Variants in MIPOL1 observed in about 807,000 individuals in gnomAD.
MIPOL1 encodes mirror-image polydactyly 1.
In MIPOL1, 57 loss-of-function variants were observed where a neutral mutation model predicts 60.9. The ratio of observed to expected loss-of-function variants is 0.94; its 90% confidence interval spans 0.76 to 1.17. MIPOL1 has a LOEUF of 1.17. Among genes scored for constraint, MIPOL1 ranks in the 50% most tolerant of loss-of-function variants. The pLI is 0.00. For missense variants in MIPOL1, 551 were observed against 511.6 expected, an observed-to-expected ratio of 1.08 and a Z score of -0.74; for synonymous variants, 179 against 168.8, an observed-to-expected ratio of 1.06 and a Z score of -0.47.
chr14:37,333,238 A>C (rs2089868480), intron 9 of MIPOL1, among the ~76,000 whole-genome samples: 1 of 152,074 alleles, frequency 6.6e-6, no homozygotes, highest in South Asian at 2.1e-4. Context: ...TATGGTAGTA[A>C]ATTATATTAA....
intron 6 of MIPOL1, among the ~76,000 whole-genome samples, chr14:37,271,536 A>G (rs2083302272): frequency 6.6e-6 from 1 of 152,062 alleles, no homozygotes; most frequent in Non-Finnish European, 1.5e-5. Context: ...ATGACCATAA[A>G]TAAATACACC....
In MIPOL1 at chr14:37,267,152, C is replaced by T. The variant is rs564184591; in HGVS notation, c.234C>T (p.Cys78=). The T allele has an allele frequency of 2.0e-5, 33 of 1,612,732 alleles. No homozygotes were observed. In the South Asian group the frequency reaches 3.3e-4, roughly 16 times the overall value. The change falls in exon 4 of 13, where the codon TGC becomes TGT. Residue 78 remains cysteine, a synonymous_variant. Coordinates refer to ENST00000684589, the MANE Select transcript of MIPOL1 (RefSeq NM_001388067.1). ...SSYPDDESVY[C]TTEKYNVMEH... is the part of the protein sequence containing the mutation. ...ATCCAGATGATGAGTCTGTTTACTG[C>T]ACTACTGAAAAATACAAGTAAGTGC...
chr14:37,214,313 A>G (rs571766079), intron 1 of MIPOL1, among the ~76,000 whole-genome samples: 23 of 152,302 alleles, frequency 1.5e-4, no homozygotes, highest in African/African-American at 4.8e-4. Flanking sequence ...AAACAACAAA[A>G]AGCTAAAAAT....
intron 10 of MIPOL1, among the ~76,000 whole-genome samples, chr14:37,388,417 A>G (rs2093134856): frequency 6.6e-6 from 1 of 151,484 alleles, no homozygotes; most frequent in Non-Finnish European, 1.5e-5. Flanking sequence ...AATGAAACTT[A>G]TCGTTCACAT....
intron 11 of MIPOL1, among the ~76,000 whole-genome samples, chr14:37,470,060 C>CG (rs146350292): frequency 0.021 from 3,223 of 152,182 alleles, 100 homozygotes; most frequent in African/African-American, 0.072. Flanking sequence ...GTATAGGTTT[C>CG]TGCATGAACA....
At chr14:37,522,893 T>A (rs906325388) in intron 12 of MIPOL1, among the ~76,000 whole-genome samples, 5 of 152,158 alleles carry the variant, frequency 3.3e-5, no homozygotes, top group African/African-American at 9.6e-5. Flanking sequence ...TTAATAGATA[T>A]GAATCCTATT....
intron 3 of MIPOL1, among the ~76,000 whole-genome samples, chr14:37,251,040 A>G (rs1369070849): frequency 6.6e-6 from 1 of 152,128 alleles, no homozygotes; most frequent in Non-Finnish European, 1.5e-5. Context: ...TGACATCTAC[A>G]AAATAAACCC....
chr14:37,307,834 T>A (rs1169475665), intron 7 of MIPOL1, among the ~76,000 whole-genome samples: 1 of 152,046 alleles, frequency 6.6e-6, no homozygotes, highest in Non-Finnish European at 1.5e-5. Context: ...TATATAGCAG[T>A]AAACATTAAT....
chr14:37,221,111 G>C (rs904683648), intron 1 of MIPOL1, among the ~76,000 whole-genome samples: 26 of 152,002 alleles, frequency 1.7e-4, no homozygotes, highest in African/African-American at 6.0e-4. Flanking sequence ...GGTTCTGGAA[G>C]CTCAGGTTCT....
intron 11 of MIPOL1, among the ~76,000 whole-genome samples, chr14:37,494,579 A>G (rs1566712626): frequency 1.3e-5 from 2 of 152,206 alleles, no homozygotes; most frequent in Non-Finnish European, 2.9e-5. Context: ...TTTATAGACC[A>G]CAGCAAGTAT....
At chr14:37,484,337 C>CTTTTT (rs71449995) in intron 11 of MIPOL1, among the ~76,000 whole-genome samples, 7 of 116,436 alleles carry the variant, frequency 6.0e-5, no homozygotes, top group African/African-American at 6.5e-5. Context: ...AATGTTAGAT[C>CTTTTT]TTTTTTTTTT....
At chr14:37,445,682 G>C (rs1393596434) in intron 11 of MIPOL1, among the ~76,000 whole-genome samples, 3 of 151,956 alleles carry the variant, frequency 2.0e-5, no homozygotes, top group Admixed American at 1.3e-4. Context: ...ATACTACAAG[G>C]CTACAGTAAC....
chr14:37,344,864 C>T (rs1186529118), intron 9 of MIPOL1, among the ~76,000 whole-genome samples: 3 of 151,788 alleles, frequency 2.0e-5, no homozygotes, highest in Non-Finnish European at 2.9e-5. Flanking sequence ...GTCCTCATCT[C>T]GACAAAATTT....
intron 11 of MIPOL1, among the ~76,000 whole-genome samples, chr14:37,423,169 A>T (rs1043884612): frequency 4.6e-5 from 7 of 151,858 alleles, no homozygotes; most frequent in African/African-American, 1.4e-4. Flanking sequence ...TTTCATTGTA[A>T]CTGAAATTTA....
chr14:37,375,614 T>G (rs1471311595), intron 10 of MIPOL1, among the ~76,000 whole-genome samples: 1 of 152,200 alleles, frequency 6.6e-6, no homozygotes, highest in East Asian at 1.9e-4. Flanking sequence ...TAATAAAACT[T>G]TGATATTTAT....
At position 37,318,061 on chromosome 14, in the gene MIPOL1, G is replaced by A. The variant is rs142700085; in HGVS notation, c.828+9542G>A. On this transcript the variant is annotated intron_variant, in intron 9 of 12. Coordinates refer to ENST00000684589, the MANE Select transcript of MIPOL1 (RefSeq NM_001388067.1). ...CCTGGTTATGAATTCCTCATTTGGCGTCTGCATGACCAGCAGTCACTGTGA... is the reference window on the plus strand; with the variant it reads ...CCTGGTTATGAATTCCTCATTTGGCATCTGCATGACCAGCAGTCACTGTGA... Among the ~76,000 whole-genome samples, 273 of 152,256 alleles carry A rather than the reference G, an allele frequency of 1.8e-3. 1 individual carries two copies. The highest frequency in any genetic ancestry group is 5.6e-3 in the African/African-American group (233 of 41,560).
At chr14:37,347,947 G>A (rs1012236208) in intron 9 of MIPOL1, among the ~76,000 whole-genome samples, 3 of 152,114 alleles carry the variant, frequency 2.0e-5, no homozygotes, top group Admixed American at 1.3e-4. Flanking sequence ...GGGTACATGT[G>A]CAGGTTTGTT....
intron 11 of MIPOL1, among the ~76,000 whole-genome samples, chr14:37,438,022 G>A (rs988824096): frequency 4.6e-5 from 7 of 151,958 alleles, no homozygotes; most frequent in Admixed American, 1.3e-4. Flanking sequence ...TAGTTAAGAT[G>A]GTTGATTTTT....
chr14:37,482,186 A>G (rs1466827993), intron 11 of MIPOL1, among the ~76,000 whole-genome samples: 1 of 152,228 alleles, frequency 6.6e-6, no homozygotes, highest in East Asian at 1.9e-4. Context: ...CATCTGATAA[A>G]GGGTTAATAT....
Sources: gnomAD v4.1 joint callset for allele counts (sites outside exome capture counted in the v4.1 genomes callset) on GRCh38, gnomAD v4.1.1 for gene constraint, MANE v1.5 for transcripts, NCBI Gene and HGNC (gene_info 2026-07-23, HGNC 2026-07-21) for gene names.